MTRR: variants seen among roughly 807,000 people sequenced by gnomAD.
MTRR encodes methionine synthase reductase.
In MTRR, 63 loss-of-function variants were observed where a neutral mutation model predicts 79.2. That is an observed-to-expected ratio of 0.80 (90% CI 0.65 to 0.98). The LOEUF (loss-of-function observed/expected upper bound fraction) is 0.98, where lower values mean the gene tolerates loss of function less well. Ranked by LOEUF, MTRR falls within the 50% of genes least tolerant of loss-of-function variation. The pLI is 0.00. For missense variants in MTRR, 895 were observed against 839.6 expected (o/e 1.07, Z -0.82); for synonymous variants, 355 against 313.3 (o/e 1.13, Z -1.41).
At chr5:7,885,488 G>A (rs150040683) in intron 6 of MTRR, among the ~76,000 whole-genome samples, 10 of 151,578 alleles carry the variant, frequency 6.6e-5, no homozygotes, top group Middle Eastern at 3.5e-3. Flanking sequence ...ACCAGATTTC[G>A]TTTTAATAGT....
intron 8 of MTRR, 129 bp from the exon 9 acceptor site, chr5:7,888,966 A>G (rs578037885): frequency 7.0e-6 from 7 of 1,006,176 alleles, no homozygotes; most frequent in Middle Eastern, 2.8e-4. Flanking sequence ...CCTCCTGACA[A>G]TAGCTCCTAG....
chr5:7,898,861 G>C (rs1475725856), intron 14 of MTRR, among the ~76,000 whole-genome samples: 2 of 152,126 alleles, frequency 1.3e-5, no homozygotes, highest in Admixed American at 6.6e-5. Flanking sequence ...TTCAGATGTC[G>C]ATAGATACGA....
chr5:7,895,710 ACC>A, intron 11 of MTRR, 22 bp from the exon 12 acceptor site: 2 of 1,613,682 alleles, frequency 1.2e-6, no homozygotes, highest in Non-Finnish European at 1.7e-6. Flanking sequence ...TTTCATACTT[ACC>A]ACATTTGATG....
chr5:7,891,316 TA>T, intron 9 of MTRR, 55 bp from the exon 10 acceptor site: 1 of 772,646 alleles, frequency 1.3e-6, no homozygotes, highest in Non-Finnish European at 2.1e-6. Context: ...TTTTTTTAGG[TA>T]AGGTTATTTT....
At position 7,873,420 on chromosome 5, in the gene MTRR, C is replaced by T. The variant is rs142098262; in HGVS notation, c.177C>T (p.Thr59=). ...ETAPLVVVVS[T]TGTGDPPDTA... is the part of the protein sequence containing the mutation. Reference sequence around the variant, plus strand: ...CTCCTCTTGTTGTTGTGGTTTCTACCACGGGCACCGGAGACCCACCCGACA... The same window carrying T: ...CTCCTCTTGTTGTTGTGGTTTCTACTACGGGCACCGGAGACCCACCCGACA... The change falls in exon 3 of 15, where the codon ACC becomes ACT. Residue 59 remains threonine, a synonymous_variant. Coordinates refer to ENST00000440940, the MANE Select transcript of MTRR (RefSeq NM_002454.3). 1.9e-6 allele frequency: 3 copies of T among 1,614,120 alleles called. No homozygotes were observed. Among genetic ancestry groups the T allele is most frequent in the South Asian group, 1.1e-5 (1 of 91,076 alleles).
At chr5:7,868,284 G>C, upstream of MTRR, 1 of 511,890 alleles carries the variant, frequency 2.0e-6, no homozygotes, top group South Asian at 3.3e-5. Context: ...TTAGAAGAGT[G>C]GCTGACATTG....
chr5:7,887,793 C>CATATATACATATACATATAT (rs1491410388), intron 8 of MTRR, among the ~76,000 whole-genome samples: 1 of 92,052 alleles, frequency 1.1e-5, no homozygotes, highest in Non-Finnish European at 2.0e-5. Context: ...TGTGTGTGTG[C>CATATATACATATACATATAT]ATATATATAT....
intron 1 of MTRR, chr5:7,859,600 A>C (rs1364947210): frequency 1.8e-6 from 2 of 1,095,448 alleles, no homozygotes; most frequent in African/African-American, 3.2e-5. Flanking sequence ...TCCTCTGGCT[A>C]TTGGTTACTT....
At chr5:7,861,552 G>T in intron 1 of MTRR, 2 of 1,497,786 alleles carry the variant, frequency 1.3e-6, no homozygotes, top group South Asian at 1.4e-5. Context: ...AACGAGTCTT[G>T]TAATGTGAAA....
At chr5:7,869,292 G>A (rs1747428381) in intron 1 of MTRR, 77 bp downstream of exon 1, 2 of 1,554,358 alleles carry the variant, frequency 1.3e-6, no homozygotes, top group Non-Finnish European at 1.8e-6. Flanking sequence ...GGCGGCCCGG[G>A]GCGGGGGTGG....
At chr5:7,861,265 T>A in intron 1 of MTRR, 1 of 1,473,462 alleles carries the variant, frequency 6.8e-7, no homozygotes, top group Non-Finnish European at 9.1e-7. Flanking sequence ...AGTGCTATCC[T>A]GAAAAATAAA....
chr5:7,856,229 A>T (rs1468408321), intron 1 of MTRR, among the ~76,000 whole-genome samples: 3 of 152,220 alleles, frequency 2.0e-5, no homozygotes, highest in Non-Finnish European at 2.9e-5. Flanking sequence ...CTACTTCTCC[A>T]TTGGTCAGAT....
upstream of MTRR, among the ~76,000 whole-genome samples, chr5:7,864,190 T>C (rs1005655831): frequency 6.6e-6 from 1 of 152,160 alleles, no homozygotes; most frequent in Non-Finnish European, 1.5e-5. Context: ...AATAAAATGA[T>C]AGATATGGAG....
chr5:7,867,677 C>T (rs368807642), upstream of MTRR: 3 of 1,614,182 alleles, frequency 1.9e-6, no homozygotes, highest in Non-Finnish European at 2.5e-6. Flanking sequence ...TTCACAAATT[C>T]GTTGTAAAGC....
intron 14 of MTRR, 70 bp downstream of exon 14, chr5:7,897,317 C>A (rs1352378528): frequency 8.1e-6 from 12 of 1,482,290 alleles, no homozygotes; most frequent in Admixed American, 1.7e-5. Context: ...AAAAAAAGGA[C>A]CGAGAAGCCA....
upstream of MTRR, chr5:7,868,035 G>GA (rs1478310012): frequency 7.4e-6 from 12 of 1,613,074 alleles, no homozygotes; most frequent in Non-Finnish European, 1.0e-5. Flanking sequence ...CTATGCATCT[G>GA]AAAATCAGAT....
intron 3 of MTRR, among the ~76,000 whole-genome samples, chr5:7,874,207 A>T (rs1268264485): frequency 6.6e-6 from 1 of 152,212 alleles, no homozygotes; most frequent in African/African-American, 2.4e-5. Context: ...AGGGGAATTG[A>T]GGGTCTGCAT....
rs113518574 is a variant in MTRR at position 7,889,920 on chromosome 5, T to C, written c.1327+645T>C. 3.8e-3 allele frequency among the ~76,000 whole-genome samples: 581 copies of C among 152,242 alleles called. 4 individuals carry two copies. Among genetic ancestry groups the C allele is most frequent in the African/African-American group, 0.013 (528 of 41,556 alleles). On this transcript the variant is annotated intron_variant, in intron 9 of 14. Coordinates refer to ENST00000440940, the MANE Select transcript of MTRR (RefSeq NM_002454.3). Reference sequence around the variant, plus strand: ...CCCAGAGTGACTCTTCTAGTCCTCATACTCCAACAGAAGAGACCTCAGCAT... The same window carrying C: ...CCCAGAGTGACTCTTCTAGTCCTCACACTCCAACAGAAGAGACCTCAGCAT...
At chr5:7,867,124 T>C (rs376162181), upstream of MTRR, 142 of 1,614,056 alleles carry the variant, frequency 8.8e-5, no homozygotes, top group Non-Finnish European at 1.1e-4. Context: ...TCACGACATA[T>C]TTGCCCAATT....
Sources: allele counts gnomAD v4.1 joint callset (sites outside exome capture counted in the v4.1 genomes callset), GRCh38; gene constraint gnomAD v4.1.1; transcripts MANE v1.5; gene names NCBI Gene and HGNC (gene_info 2026-07-23, HGNC 2026-07-21).